Variants in KSR2 observed in about 807,000 individuals in gnomAD.
The protein encoded by KSR2 is kinase suppressor of ras 2.
A neutral mutation model predicts 107.8 loss-of-function variants in KSR2; 25 were observed. That is an observed-to-expected ratio of 0.23 (90% CI 0.17 to 0.32). The LOEUF (loss-of-function observed/expected upper bound fraction) is 0.32, where lower values mean the gene tolerates loss of function less well. KSR2 is among the 10% of genes least tolerant of loss of function. KSR2 has a pLI of 1.00. For missense variants in KSR2, 887 were observed against 1,268.9 expected (o/e 0.70, Z 4.57); for synonymous variants, 480 against 507.0 (o/e 0.95, Z 0.71).
At chr12:117,714,800 GGATA>G (rs1886916552) in intron 4 of KSR2, among the ~76,000 whole-genome samples, 1 of 152,146 alleles carries the variant, frequency 6.6e-6, no homozygotes, top group African/African-American at 2.4e-5. Context: ...GTCATCTAGT[GGATA>G]GAGACTAGAG....
chr12:117,550,427 C>A (rs1175936782), intron 9 of KSR2, among the ~76,000 whole-genome samples: 4 of 152,200 alleles, frequency 2.6e-5, no homozygotes. Flanking sequence ...CCCTCCAACC[C>A]AACAGCCTTT....
intron 1 of KSR2, among the ~76,000 whole-genome samples, chr12:117,888,115 C>T (rs1439361091): frequency 6.6e-6 from 1 of 152,178 alleles, no homozygotes; most frequent in Non-Finnish European, 1.5e-5. Flanking sequence ...AGCCCCAAAA[C>T]CCTTTTGAGA....
chr12:117,471,116 A>G, intron 18 of KSR2, 75 bp downstream of exon 18: 1 of 1,558,728 alleles, frequency 6.4e-7, no homozygotes, highest in East Asian at 2.3e-5. Context: ...ACCTTAACAC[A>G]TAGTAAAAAG....
At chr12:117,846,647 C>G (rs1388483938) in intron 3 of KSR2, among the ~76,000 whole-genome samples, 1 of 152,228 alleles carries the variant, frequency 6.6e-6, no homozygotes, top group Non-Finnish European at 1.5e-5. Context: ...TATTCTAGAG[C>G]AGCACTGTCC....
At chr12:117,553,480 G>A (rs1440875478) in intron 9 of KSR2, among the ~76,000 whole-genome samples, 1 of 152,122 alleles carries the variant, frequency 6.6e-6, no homozygotes, top group East Asian at 1.9e-4. Context: ...GTGGGAAATG[G>A]GTTGGGAAGG....
intron 14 of KSR2, among the ~76,000 whole-genome samples, chr12:117,514,547 T>C (rs1002591503): frequency 8.7e-5 from 13 of 149,026 alleles, no homozygotes; most frequent in African/African-American, 2.7e-4. Context: ...TCTCTCTCTT[T>C]TTTTTTTTTT....
chr12:117,502,756 C>A (rs921866140), intron 14 of KSR2, among the ~76,000 whole-genome samples: 1 of 152,142 alleles, frequency 6.6e-6, no homozygotes, highest in Non-Finnish European at 1.5e-5. Flanking sequence ...GTTGCTTTTG[C>A]TGAGGAGCCC....
intron 7 of KSR2, among the ~76,000 whole-genome samples, chr12:117,573,647 C>A (rs896814880): frequency 1.3e-5 from 2 of 151,422 alleles, no homozygotes; most frequent in Non-Finnish European, 2.9e-5. Flanking sequence ...CCTGCCTCAG[C>A]CTCCTGAGTA....
At chr12:117,695,771 G>A (rs1416495330) in intron 4 of KSR2, among the ~76,000 whole-genome samples, 2 of 151,920 alleles carry the variant, frequency 1.3e-5, no homozygotes, top group African/African-American at 4.8e-5. Flanking sequence ...TGTTGGCAAG[G>A]GGATAACCCA....
intron 1 of KSR2, among the ~76,000 whole-genome samples, chr12:117,937,285 T>C (rs534253234): frequency 1.2e-4 from 19 of 152,164 alleles, no homozygotes; most frequent in Non-Finnish European, 1.5e-4. Context: ...CTGCTGTTAA[T>C]CATAAACCAC....
chr12:117,592,234 C>T (rs1300655812), intron 5 of KSR2, among the ~76,000 whole-genome samples: 3 of 151,810 alleles, frequency 2.0e-5, no homozygotes, highest in Non-Finnish European at 4.4e-5. Flanking sequence ...CTGCCTCAGC[C>T]TCCTTAGTAG....
intron 14 of KSR2, among the ~76,000 whole-genome samples, chr12:117,513,222 T>G (rs1261396406): frequency 6.6e-6 from 1 of 152,200 alleles, no homozygotes; most frequent in East Asian, 1.9e-4. Context: ...CAAGATTTAT[T>G]TATCCTCACA....
chr12:117,794,913 C>T (rs2137000973), intron 3 of KSR2, among the ~76,000 whole-genome samples: 1 of 152,244 alleles, frequency 6.6e-6, no homozygotes, highest in Non-Finnish European at 1.5e-5. Flanking sequence ...CAGAGGCGGC[C>T]CAGCAAGGGA....
At chr12:117,875,333 ATTTT>A (rs56091034) in intron 1 of KSR2, among the ~76,000 whole-genome samples, 19 of 138,016 alleles carry the variant, frequency 1.4e-4, no homozygotes, top group East Asian at 4.2e-4. Context: ...CTTAGGTGCT[ATTTT>A]TTTTTTTTTT....
chr12:117,951,333 T>C (rs1194730742), intron 1 of KSR2, among the ~76,000 whole-genome samples: 2 of 152,164 alleles, frequency 1.3e-5, no homozygotes, highest in African/African-American at 4.8e-5. Flanking sequence ...CCAAGTCAGA[T>C]ATAGATAAAA....
intron 5 of KSR2, among the ~76,000 whole-genome samples, chr12:117,604,214 C>T (rs2136297901): frequency 6.6e-6 from 1 of 152,296 alleles, no homozygotes; most frequent in Middle Eastern, 3.4e-3. Context: ...TATTCGGCCA[C>T]CCCACTCAGC....
At chr12:117,823,361 T>C (rs956720804) in intron 3 of KSR2, among the ~76,000 whole-genome samples, 8 of 152,044 alleles carry the variant, frequency 5.3e-5, no homozygotes, top group African/African-American at 1.4e-4. Context: ...AGGCAAAAGC[T>C]TGGGGTGGTA....
chr12:117,908,831 T>G (rs148124472), intron 1 of KSR2, among the ~76,000 whole-genome samples: 28 of 152,286 alleles, frequency 1.8e-4, no homozygotes, highest in African/African-American at 6.7e-4. Context: ...GATGTTCTCT[T>G]GAGTTATTAA....
chr12:117,960,335 T>C (rs896318223), intron 1 of KSR2, among the ~76,000 whole-genome samples: 18 of 152,288 alleles, frequency 1.2e-4, no homozygotes, highest in African/African-American at 4.1e-4. Flanking sequence ...CTGGAATCCA[T>C]AGTCACACTG....
Sources: allele counts gnomAD v4.1 joint callset (sites outside exome capture counted in the v4.1 genomes callset), GRCh38; gene constraint gnomAD v4.1.1; transcripts MANE v1.5; gene names NCBI Gene and HGNC (gene_info 2026-07-23, HGNC 2026-07-21).